Variants in LARP4 observed in about 807,000 individuals in gnomAD.
LARP4 encodes la-related protein 4.
LARP4 carries 29 observed loss-of-function variants against 92.9 expected under a neutral mutation model. That is an observed-to-expected ratio of 0.31 (90% CI 0.23 to 0.43). The LOEUF is 0.43. Ranked by LOEUF, LARP4 falls within the 20% of genes least tolerant of loss-of-function variation. The probability of loss-of-function intolerance (pLI) is 1.00; values close to 1 mark genes in which losing one functional copy is unlikely to be tolerated. For missense variants in LARP4, 732 were observed against 860.0 expected (o/e 0.85, Z 1.86); for synonymous variants, 279 against 284.1 (o/e 0.98, Z 0.18).
rs1196193883 is a variant in LARP4, at chr12:50,479,793, G to C, written c.*3929G>C. On this transcript the variant is annotated 3_prime_UTR_variant, in exon 16 of 16. Coordinates refer to ENST00000398473, the MANE Select transcript of LARP4 (RefSeq NM_052879.5). ...TTTGCATCTCTTAAATGTTGGGGGT[G>C]GGGGTCAGAGCCAGTTATCCGGCTT... The C allele has an allele frequency of 6.6e-6, 1 of 152,110 alleles. No homozygotes were observed. Among genetic ancestry groups the C allele is most frequent in the African/African-American group, 2.4e-5 (1 of 41,396 alleles). 9.4% of individuals were successfully genotyped at this position (152,110 alleles called of 1,614,324 possible).
intron 12 of LARP4, 29 bp downstream of exon 12, chr12:50,462,659 T>G (rs1389312081): frequency 7.3e-7 from 1 of 1,371,680 alleles, no homozygotes; most frequent in East Asian, 2.9e-5. Flanking sequence ...TTATTCAGAC[T>G]TTTTTCTCTT....
Position 50,478,097 on chromosome 12 carries a change from G to C in LARP4, c.*2233G>C, listed in dbSNP as rs192259529. 3.9e-5 allele frequency: 6 copies of C among 152,542 alleles called. No individual in the cohort carries two copies. In the East Asian group the frequency reaches 1.2e-3, roughly 29 times the overall value. 9.4% of individuals were successfully genotyped at this position (152,542 alleles called of 1,614,324 possible). A position where few individuals can be genotyped will look rare whatever the true frequency, so the allele number is the denominator to read the frequency against. ...GCTTGTGTGACTTACTGTTAGTCCA[G>C]CTCTAAAAATTTAAAGGTTGTAATT... On this transcript the variant is annotated 3_prime_UTR_variant, in exon 16 of 16. Coordinates refer to ENST00000398473, the MANE Select transcript of LARP4 (RefSeq NM_052879.5).
intron 1 of LARP4, among the ~76,000 whole-genome samples, chr12:50,414,680 C>T (rs906542560): frequency 3.3e-5 from 5 of 152,124 alleles, no homozygotes; most frequent in African/African-American, 7.2e-5. Flanking sequence ...TGTTTTGCAG[C>T]GTTACTTTTT....
At chr12:50,429,224 G>A in intron 3 of LARP4, 134 bp downstream of exon 3, 2 of 634,020 alleles carry the variant, frequency 3.2e-6, no homozygotes, top group Non-Finnish European at 5.4e-6. Flanking sequence ...TTAATGAAAT[G>A]TTAGTTGATT....
At chr12:50,462,552 ACCCCAC>A in intron 11 of LARP4, 24 bp from the exon 12 acceptor site, 5 of 651,350 alleles carry the variant, frequency 7.7e-6, no homozygotes, top group African/African-American at 2.2e-5. Context: ...CCTCCACCCC[ACCCCAC>A]CCCCACCTTT....
At chr12:50,438,492 C>CA (rs11429986) in intron 6 of LARP4, among the ~76,000 whole-genome samples, 87,800 of 139,818 alleles carry the variant, frequency 0.63, 30,485 homozygotes, top group Non-Finnish European at 0.79. Flanking sequence ...CTCTTTGTCT[C>CA]AAAAAAAAAA....
Position 50,475,747 on chromosome 12 carries a change from G to A in LARP4, c.2058G>A (p.Arg686=), listed in dbSNP as rs546088715. The change falls in exon 16 of 16, where the codon AGG becomes AGA. Residue 686 remains arginine (R), a synonymous_variant. Transcript: ENST00000398473. ...YSGFRGNIIP[R]GAAGKIREQR... is the part of the protein sequence containing the mutation. ...GCTTCCGAGGCAATATAATCCCCAG[G>A]GGAGCAGCAGGAAAAATCAGGGAAC... 1 of 1,614,086 alleles carries A rather than the reference G, an allele frequency of 6.2e-7. No individual in the cohort carries two copies. Among genetic ancestry groups the A allele is most frequent in the South Asian group, 1.1e-5 (1 of 91,080 alleles).
intron 11 of LARP4, 109 bp downstream of exon 11, chr12:50,461,456 G>A: frequency 9.4e-7 from 1 of 1,069,286 alleles, no homozygotes; most frequent in Non-Finnish European, 1.3e-6. Context: ...ATTGGTATAT[G>A]GTTATATTAA....
At chr12:50,461,941 G>C (rs953664541) in intron 11 of LARP4, among the ~76,000 whole-genome samples, 1 of 152,118 alleles carries the variant, frequency 6.6e-6, no homozygotes, top group African/African-American at 2.4e-5. Context: ...CTGGGTGACA[G>C]AGCGCGACTC....
chr12:50,429,539 GTGTC>G (rs1219088765), intron 3 of LARP4, among the ~76,000 whole-genome samples: 2 of 152,038 alleles, frequency 1.3e-5, no homozygotes, highest in East Asian at 1.9e-4. Context: ...GAGTGAAACT[GTGTC>G]TGAAAAAAAA....
chr12:50,421,643 A>AAAATAAAT (rs144012967), intron 1 of LARP4, among the ~76,000 whole-genome samples: 8,249 of 147,834 alleles, frequency 0.056, 318 homozygotes, highest in African/African-American at 0.11. Flanking sequence ...ACTTCATCAC[A>AAAATAAAT]AAATAAATAA....
Position 50,443,320 on chromosome 12 carries a change from G to A in LARP4, c.804+1677G>A, listed in dbSNP as rs73305126. ...TTCTTTCTCTCTGTCACCTAGGCTC[G>A]AGTGCAGGGGCATGATCACGGCTCA... On this transcript the variant is annotated intron_variant, in intron 8 of 15. Transcript: ENST00000398473. Among the ~76,000 whole-genome samples the A allele has an allele frequency of 8.9e-3, 1,354 of 152,134 alleles. 25 individuals carry two copies. Among genetic ancestry groups the A allele is most frequent in the African/African-American group, 0.03 (1,264 of 41,508 alleles).
chr12:50,427,177 T>C (rs1948926093), intron 1 of LARP4, among the ~76,000 whole-genome samples: 1 of 152,192 alleles, frequency 6.6e-6, no homozygotes, highest in Admixed American at 6.6e-5. Flanking sequence ...TTTCTAGTTA[T>C]AGAATTGTTC....
At chr12:50,426,823 C>T (rs1464966784) in intron 1 of LARP4, among the ~76,000 whole-genome samples, 2 of 149,078 alleles carry the variant, frequency 1.3e-5, no homozygotes, top group Non-Finnish European at 3.0e-5. Context: ...ACTGCAACCT[C>T]TGTCTCCCAG....
At chr12:50,417,491 G>C (rs1434394528) in intron 1 of LARP4, among the ~76,000 whole-genome samples, 1 of 152,034 alleles carries the variant, frequency 6.6e-6, no homozygotes, top group Non-Finnish European at 1.5e-5. Flanking sequence ...AGCTAATTAC[G>C]ATATGAGGAA....
rs373596523 is a variant in LARP4, at chr12:50,412,223, G to A, written c.18+11195G>A. Among the ~76,000 whole-genome samples the A allele has an allele frequency of 6.6e-5, 10 of 152,162 alleles. No individual in the cohort carries two copies. The South Asian group carries it at 1.2e-3, about 19-fold the overall frequency. The stretch of plus-strand genomic sequence containing the variant: ...TTTACTTTTTGTAAAATAGCCCTAA[G>A]CATCTTCTGGTAGGATTCTGAAGTT... On this transcript the variant is annotated intron_variant, in intron 1 of 15. Transcript: ENST00000398473.
intron 13 of LARP4, among the ~76,000 whole-genome samples, chr12:50,472,480 C>T (rs1238924118): frequency 1.3e-5 from 2 of 151,660 alleles, no homozygotes; most frequent in African/African-American, 2.4e-5. Context: ...TCATGTTGAG[C>T]GTGAGTCAAG....
At chr12:50,459,076 G>T (rs1053193430) in intron 10 of LARP4, among the ~76,000 whole-genome samples, 1 of 152,134 alleles carries the variant, frequency 6.6e-6, no homozygotes, top group Admixed American at 6.6e-5. Flanking sequence ...TTGGCTCCCT[G>T]CAAACTCCAC....
intron 11 of LARP4, 161 bp downstream of exon 11, chr12:50,461,508 T>C (rs1486045425): frequency 2.6e-6 from 2 of 777,224 alleles, no homozygotes; most frequent in African/African-American, 3.4e-5. Flanking sequence ...TTGCTTTTTA[T>C]AATTATTAAG....
Sources: gnomAD v4.1 joint callset for allele counts (sites outside exome capture counted in the v4.1 genomes callset) on GRCh38, gnomAD v4.1.1 for gene constraint, MANE v1.5 for transcripts, NCBI Gene and HGNC (gene_info 2026-07-23, HGNC 2026-07-21) for gene names.